Variants in DPP3 observed in about 807,000 individuals in gnomAD.
DPP3 encodes the protein DPP III.
A neutral mutation model predicts 89.8 loss-of-function variants in DPP3; 64 were observed. The ratio of observed to expected loss-of-function variants is 0.71; its 90% CI spans 0.58 to 0.88. The LOEUF (loss-of-function observed/expected upper bound fraction) is 0.88, where lower values mean the gene tolerates loss of function less well. DPP3 is among the 40% of genes least tolerant of loss of function. The pLI, the probability that DPP3 is intolerant of heterozygous loss-of-function variation, is 0.00. For missense variants in DPP3, 835 were observed against 972.5 expected (o/e 0.86, Z 1.88); for synonymous variants, 377 against 404.3 (o/e 0.93, Z 0.81).
chr11:66,495,110 T>A, intron 12 of DPP3, 96 bp from the exon 13 acceptor site: 1 of 1,587,886 alleles, frequency 6.3e-7, no homozygotes, highest in East Asian at 2.2e-5. Context: ...CGCTCCCGCT[T>A]GCCTTCCTGA....
Position 66,480,712 on chromosome 11 carries a change from C to T in DPP3, c.-9+247C>T, listed in dbSNP as rs546564663. ...GGGCAGGGCGAGGAGGCTGGACACT[C>T]TGTCCCAGCCGGGACGGGGCGTGGC... On this transcript the variant is annotated intron_variant, in intron 1 of 17. Transcript: ENST00000531863. The T allele has an allele frequency of 4.5e-5, 18 of 399,914 alleles. No individual in the cohort carries two copies. The South Asian group carries it at 9.5e-4, about 21-fold the overall frequency. The allele number at this position is 399,914 out of a possible 1,614,324, so 24.8% of individuals were successfully genotyped here.
chr11:66,504,899 C>G (rs1227014175), intron 17 of DPP3, 125 bp downstream of exon 17: 2 of 1,095,804 alleles, frequency 1.8e-6, no homozygotes, highest in Non-Finnish European at 1.2e-6. Flanking sequence ...TGGCCCTTCC[C>G]TTTCTGCCAA....
rs201801229 is a variant in DPP3 at position 66,493,140 on chromosome 11, G to A, written c.1257G>A (p.Thr419=). 1.9e-3 allele frequency: 3,076 copies of A among 1,614,066 alleles called. 67 individuals carry two copies. In the South Asian group the frequency reaches 0.029, roughly 15 times the overall value. ...LGNVLAVAYA[T]QREKLTFLEE... ...ATGTGCTGGCTGTGGCCTACGCCACGCAGCGGGAGAAGCTTACCTTTCTGG... is the reference window on the plus strand; with the variant it reads ...ATGTGCTGGCTGTGGCCTACGCCACACAGCGGGAGAAGCTTACCTTTCTGG... The change falls in exon 11 of 18, where the codon ACG becomes ACA. Residue 419 remains threonine (T), a synonymous_variant. Transcript: ENST00000531863.
intron 17 of DPP3, among the ~76,000 whole-genome samples, chr11:66,506,729 C>T (rs907229053): frequency 1.3e-5 from 2 of 152,158 alleles, no homozygotes; most frequent in African/African-American, 2.4e-5. Context: ...ACTCCTACAG[C>T]CTTTGAATAA....
intron 3 of DPP3, 60 bp from the exon 4 acceptor site, chr11:66,486,480 A>T (rs1379656383): frequency 7.0e-7 from 1 of 1,431,324 alleles, no homozygotes; most frequent in Non-Finnish European, 9.2e-7. Context: ...GTGGGTAGGG[A>T]GGCTCTGGAA....
chr11:66,494,562 A>G (rs1289348024), intron 12 of DPP3, among the ~76,000 whole-genome samples: 2 of 152,230 alleles, frequency 1.3e-5, no homozygotes, highest in African/African-American at 4.8e-5. Flanking sequence ...TGTGAGGAGT[A>G]AAGGTGAAGA....
chr11:66,495,167 T>C (rs751981058), intron 12 of DPP3, 39 bp from the exon 13 acceptor site: 10 of 1,611,902 alleles, frequency 6.2e-6, no homozygotes, highest in African/African-American at 2.7e-5. Context: ...CTGGATCCAG[T>C]TGGGGGCGCC....
At chr11:66,485,011 A>G (rs2073661326) in intron 2 of DPP3, among the ~76,000 whole-genome samples, 162 bp from the exon 3 acceptor site, 1 of 152,128 alleles carries the variant, frequency 6.6e-6, no homozygotes, top group South Asian at 2.1e-4. Flanking sequence ...TGTGGAAGTG[A>G]GTGTGGGCCA....
intron 2 of DPP3, among the ~76,000 whole-genome samples, chr11:66,483,469 C>T (rs938601105): frequency 1.3e-5 from 2 of 152,064 alleles, no homozygotes; most frequent in Non-Finnish European, 2.9e-5. Flanking sequence ...CCATTGAATG[C>T]CATGTCTTGA....
At chr11:66,499,373 A>G (rs1438787598) in intron 16 of DPP3, among the ~76,000 whole-genome samples, 1 of 152,086 alleles carries the variant, frequency 6.6e-6, no homozygotes, top group African/African-American at 2.4e-5. Flanking sequence ...CAAAAAAAAA[A>G]AGGTCTTACA....
chr11:66,484,349 T>C, intron 2 of DPP3, among the ~76,000 whole-genome samples: 1 of 152,124 alleles, frequency 6.6e-6, no homozygotes, highest in East Asian at 1.9e-4. Context: ...AGGAGAATTG[T>C]TGGGTCACAT....
rs185425544 is a variant in DPP3 at position 66,487,211 on chromosome 11, C to T, written c.499-57C>T. On this transcript the variant is annotated intron_variant, in intron 4 of 17. Transcript: ENST00000531863. ...GCGGGAAGCCTGGGAATATGACGTC[C>T]CTGCAGCCCTGACCTTGGCAACTCC... 1,964 of 1,558,160 alleles carry T rather than the reference C, an allele frequency of 1.3e-3. 2 individuals carry two copies. Among genetic ancestry groups the T allele is most frequent in the Non-Finnish European group, 1.5e-3 (1,734 of 1,129,676 alleles).
At position 66,497,455 on chromosome 11, in the gene DPP3, A is replaced by G; in HGVS notation, c.1856A>G (p.Glu619Gly). The change falls in exon 16 of 18, where the codon GAG (glutamate) becomes GGG (glycine). Residue 619 changes from glutamate (E) to glycine (G), a missense_variant. Coordinates refer to ENST00000531863, the MANE Select transcript of DPP3 (RefSeq NM_130443.4). The part of the protein sequence containing the change: ...KIRSVGKPAL[E>G]RFLRRLQVLK... ...CGGTCTGTGGGCAAGCCTGCTCTAGAGCGCTTCCTGCGGAGACTTCAGGTA... is the reference window on the plus strand; with the variant it reads ...CGGTCTGTGGGCAAGCCTGCTCTAGGGCGCTTCCTGCGGAGACTTCAGGTA... 2 of 1,613,782 alleles carry G rather than the reference A, an allele frequency of 1.2e-6. No homozygotes were observed. The highest frequency in any genetic ancestry group is 1.7e-6 in the Non-Finnish European group (2 of 1,179,924).
rs757524930 is a variant in DPP3, at chr11:66,497,465, G to A, written c.1866G>A (p.Leu622=). The A allele has an allele frequency of 1.9e-6, 3 of 1,613,438 alleles. No individual in the cohort carries two copies. In the East Asian group the frequency reaches 6.7e-5, roughly 36 times the overall value. ...GCAAGCCTGCTCTAGAGCGCTTCCT[G>A]CGGAGACTTCAGGTAAGCAAAGGCC... ...SVGKPALERF[L]RRLQVLKSTG... is the part of the protein sequence containing the mutation. Residue 622 remains leucine, a synonymous_variant, in exon 16 of 18, where the codon CTG becomes CTA. Transcript: ENST00000531863.
rs373434247 is a variant in DPP3 at position 66,495,477 on chromosome 11, C to G, written c.1565C>G (p.Pro522Arg). 6.2e-7 allele frequency: 1 copy of G among 1,611,232 alleles called. No individual in the cohort carries two copies. Among genetic ancestry groups the G allele is most frequent in the Non-Finnish European group, 8.5e-7 (1 of 1,178,544 alleles). Residue 522 changes from proline (P) to arginine (R), a missense_variant, in exon 14 of 18, where the codon CCG (proline) becomes CGG (arginine). Physicochemically the swap from Pro to Arg is moderately radical, Grantham distance 103. Transcript: ENST00000531863. ...GTGGGTCTCTACCTCTGTCTCCACC[C>G]GCAAGTGCTGGAGTAAGAGCAGCAG... ...ESVGLYLCLH[P>R]QVLEIFGFEG...
At chr11:66,485,343 A>T in intron 3 of DPP3, 81 bp downstream of exon 3, 1 of 1,382,436 alleles carries the variant, frequency 7.2e-7, no homozygotes, top group Non-Finnish European at 1.0e-6. Context: ...AGGAGCCCCA[A>T]CTGGAGTGTC....
At chr11:66,480,671 G>T in intron 1 of DPP3, 2 of 514,856 alleles carry the variant, frequency 3.9e-6, no homozygotes, top group South Asian at 4.9e-5. Flanking sequence ...TATTGGGGCG[G>T]GGCTTCTGGA....
intron 12 of DPP3, 70 bp downstream of exon 12, chr11:66,493,703 C>A: frequency 2.0e-6 from 3 of 1,476,850 alleles, no homozygotes; most frequent in East Asian, 2.5e-5. Context: ...CCCTACCCAG[C>A]GGTGAAGCTG....
chr11:66,487,650 C>T (rs934659603), intron 5 of DPP3, among the ~76,000 whole-genome samples: 1 of 152,132 alleles, frequency 6.6e-6, no homozygotes, highest in Admixed American at 6.5e-5. Context: ...CTCCAGTAGC[C>T]CTGGGTTCGC....
Sources: gnomAD v4.1 joint callset for allele counts (sites outside exome capture counted in the v4.1 genomes callset) on GRCh38, gnomAD v4.1.1 for gene constraint, MANE v1.5 for transcripts, NCBI Gene and HGNC (gene_info 2026-07-23, HGNC 2026-07-21) for gene names.